The following BRAF variants were observed in gnomAD, a reference collection of about 807,000 sequenced individuals.
BRAF encodes serine/threonine-protein kinase B-raf.
Under a neutral mutation model 104.6 loss-of-function variants are expected in BRAF, and 16 were observed. That is an observed-to-expected ratio of 0.15 (90% CI 0.10 to 0.23). BRAF has a LOEUF of 0.23. Ranked by LOEUF, BRAF falls within the 10% of genes least tolerant of loss-of-function variation. BRAF has a pLI of 1.00. For missense variants in BRAF, 541 were observed against 937.3 expected (o/e 0.58, Z 5.52); for synonymous variants, 310 against 341.6 (o/e 0.91, Z 1.02).
Position 140,749,247 on chromosome 7 carries a change from T to C in BRAF, c.2112+40A>G, listed in dbSNP as rs560324693. ...TTTTCTACAACTGGAGCCTTGTATA[T>C]AGACGGTAAAATAAACACCAAGACG... On this transcript the variant is annotated intron_variant, in intron 17 of 19. Coordinates refer to ENST00000644969, the MANE Select transcript of BRAF (RefSeq NM_001374258.1). 2.7e-4 allele frequency: 442 copies of C among 1,609,258 alleles called. 19 individuals are homozygous for C. The highest frequency in any genetic ancestry group is 2.7e-3 in the South Asian group (247 of 90,742).
chr7:140,796,877 C>T (rs1802546350), intron 7 of BRAF, among the ~76,000 whole-genome samples: 1 of 152,168 alleles, frequency 6.6e-6, no homozygotes, highest in African/African-American at 2.4e-5. Flanking sequence ...GCACACAACA[C>T]AAGAAGTCTA....
At position 140,924,452 on chromosome 7, in the gene BRAF, C is replaced by A; in HGVS notation, c.138+114G>T. 6.9e-7 allele frequency: 1 copy of A among 1,455,526 alleles called. No homozygotes were observed. Among genetic ancestry groups the A allele is most frequent in the Non-Finnish European group, 9.3e-7 (1 of 1,079,182 alleles). The allele number at this position is 1,455,526 out of a possible 1,614,324, so 90.2% of individuals were successfully genotyped here. ...CCCACCTCCCAGCCCGCGGAGCTGGCCCGAGAAGGTGGCTGAGGGCATCAA... is the reference window on the plus strand; with the variant it reads ...CCCACCTCCCAGCCCGCGGAGCTGGACCGAGAAGGTGGCTGAGGGCATCAA... On this transcript the variant is annotated intron_variant, in intron 1 of 19. Coordinates refer to ENST00000644969, the MANE Select transcript of BRAF (RefSeq NM_001374258.1). This position sits in a 1 kb window ranked among gnomAD's most constrained non-coding sequence, Gnocchi z 4.2.
At chr7:140,856,149 CATTA>C (rs1225335405) in intron 1 of BRAF, among the ~76,000 whole-genome samples, 2 of 149,488 alleles carry the variant, frequency 1.3e-5, no homozygotes, top group Non-Finnish European at 3.0e-5. Context: ...CAAGAATAAT[CATTA>C]ATTAGGAATC....
intron 14 of BRAF, among the ~76,000 whole-genome samples, chr7:140,771,186 A>G (rs1210700707): frequency 6.6e-6 from 1 of 152,098 alleles, no homozygotes; most frequent in Non-Finnish European, 1.5e-5. Context: ...TAATGATTCA[A>G]CTTTTCTAAT....
chr7:140,863,735 TC>T (rs1414192916), intron 1 of BRAF, among the ~76,000 whole-genome samples: 1 of 152,090 alleles, frequency 6.6e-6, no homozygotes, highest in Non-Finnish European at 1.5e-5. Context: ...GTGTAGCACC[TC>T]CCCCTACCCC....
chr7:140,806,354 C>T (rs1177223108), intron 5 of BRAF, among the ~76,000 whole-genome samples: 2 of 152,146 alleles, frequency 1.3e-5, no homozygotes, highest in African/African-American at 4.8e-5. Flanking sequence ...TCTCTCTACT[C>T]TATGGCAGTG....
intron 1 of BRAF, among the ~76,000 whole-genome samples, chr7:140,900,800 G>A (rs1815536456): frequency 6.6e-6 from 1 of 152,130 alleles, no homozygotes; most frequent in African/African-American, 2.4e-5. Flanking sequence ...TAGTAGAGAC[G>A]GGGTTTCACC....
intron 19 of BRAF, among the ~76,000 whole-genome samples, chr7:140,730,314 C>A (rs1390724369): frequency 6.6e-6 from 1 of 151,812 alleles, no homozygotes; most frequent in East Asian, 1.9e-4. Context: ...CAATTTGAGG[C>A]CAAATTGAAA....
intron 12 of BRAF, among the ~76,000 whole-genome samples, chr7:140,779,384 A>G (rs1352313233): frequency 1.3e-5 from 2 of 152,154 alleles, no homozygotes; most frequent in East Asian, 3.9e-4. Flanking sequence ...GTACAGGCAC[A>G]TGCCACCATG....
intron 3 of BRAF, among the ~76,000 whole-genome samples, chr7:140,811,843 T>C (rs1426582418): frequency 6.6e-6 from 1 of 152,200 alleles, no homozygotes. Flanking sequence ...AGGTTCAGTG[T>C]TCACTAATTG....
chr7:140,915,274 G>A (rs1817492690), intron 1 of BRAF, among the ~76,000 whole-genome samples: 1 of 151,962 alleles, frequency 6.6e-6, no homozygotes, highest in South Asian at 2.1e-4. Flanking sequence ...GCCAAAATAA[G>A]TGACTAATTC....
In BRAF at chr7:140,889,267, T is replaced by G. The variant is rs973018155; in HGVS notation, c.138+35299A>C. 2.6e-5 allele frequency among the ~76,000 whole-genome samples: 4 copies of G among 152,314 alleles called. No individual in the cohort carries two copies. In the South Asian group the frequency reaches 6.2e-4, roughly 24 times the overall value. ...TATCCAGGCTACTTAAAATATGAAT[T>G]TGTACACACTATTATAATAACGAAC... is the stretch of plus-strand genomic sequence containing the variant. On this transcript the variant is annotated intron_variant, in intron 1 of 19. Transcript: ENST00000644969.
At chr7:140,781,485 A>C in intron 12 of BRAF, 91 bp downstream of exon 11, 1 of 1,215,912 alleles carries the variant, frequency 8.2e-7, no homozygotes, top group Admixed American at 1.7e-5. Flanking sequence ...CGAACAGTGA[A>C]TATTTCCTTT....
At chr7:140,909,750 T>G (rs1816754985) in intron 1 of BRAF, among the ~76,000 whole-genome samples, 1 of 152,048 alleles carries the variant, frequency 6.6e-6, no homozygotes, top group Non-Finnish European at 1.5e-5. Context: ...TCAGTTACAG[T>G]GAGCCTAGAT....
chr7:140,861,901 GAT>G (rs1810460158), intron 1 of BRAF, among the ~76,000 whole-genome samples: 1 of 152,074 alleles, frequency 6.6e-6, no homozygotes, highest in Non-Finnish European at 1.5e-5. Flanking sequence ...GAAGGAGGAG[GAT>G]ACTAAGTAAG....
chr7:140,921,308 T>C (rs1433013593), intron 1 of BRAF, among the ~76,000 whole-genome samples: 2 of 152,176 alleles, frequency 1.3e-5, no homozygotes, highest in African/African-American at 2.4e-5. Flanking sequence ...TAATGTTTAA[T>C]GCCAAAAGTA....
intron 1 of BRAF, among the ~76,000 whole-genome samples, chr7:140,917,611 A>C (rs1040623193): frequency 6.6e-6 from 1 of 152,170 alleles, no homozygotes; most frequent in Admixed American, 6.5e-5. Flanking sequence ...CCTCTCAAAT[A>C]AATCAATCTA....
chr7:140,782,323 C>A (rs1800959496), intron 11 of BRAF, among the ~76,000 whole-genome samples: 1 of 152,066 alleles, frequency 6.6e-6, no homozygotes. Flanking sequence ...AAGATAAGTG[C>A]TGCTATATTT....
intron 3 of BRAF, among the ~76,000 whole-genome samples, chr7:140,818,858 C>G (rs762644047): frequency 1.3e-5 from 2 of 152,176 alleles, no homozygotes; most frequent in Non-Finnish European, 2.9e-5. Flanking sequence ...GATAGCTTAT[C>G]TAGTCTACCT....
Sources: allele counts gnomAD v4.1 joint callset (sites outside exome capture counted in the v4.1 genomes callset), GRCh38; gene constraint gnomAD v4.1.1; non-coding constraint Gnocchi (gnomAD v3.1); transcripts MANE v1.5; gene names NCBI Gene and HGNC (gene_info 2026-07-23, HGNC 2026-07-21).